Variants in DAPK1 observed in about 807,000 individuals in gnomAD.
The protein encoded by DAPK1 is death associated protein kinase 1, also known as death-associated protein kinase 1.
Under a neutral mutation model 144.9 loss-of-function variants are expected in DAPK1, and 56 were observed. The ratio of observed to expected loss-of-function variants is 0.39; its 90% confidence interval spans 0.31 to 0.48. The LOEUF (loss-of-function observed/expected upper bound fraction) is 0.48. DAPK1 is among the 20% of genes least tolerant of loss of function. The pLI is 0.95. For synonymous variants in DAPK1, 690 were observed against 749.0 expected (o/e 0.92, Z 1.29); for missense variants, 1,454 against 1,875.4 (o/e 0.78, Z 4.15).
chr9:87,699,812 A>G (rs1825397174), intron 23 of DAPK1, among the ~76,000 whole-genome samples: 1 of 152,172 alleles, frequency 6.6e-6, no homozygotes, highest in African/African-American at 2.4e-5. Context: ...AGGTGCGAGC[A>G]TTAGGCCTCA....
rs538465186 is a variant in DAPK1, at chr9:87,686,349, G to T, written c.2225-202G>T. Among the ~76,000 whole-genome samples, 1 of 152,256 alleles carries T rather than the reference G, an allele frequency of 6.6e-6. No homozygotes were observed. The highest frequency in any genetic ancestry group is 1.9e-4 in the East Asian group (1 of 5,170). On this transcript the variant is annotated intron_variant, in intron 20 of 25. Coordinates refer to ENST00000408954, the MANE Select transcript of DAPK1 (RefSeq NM_004938.4). The surrounding 1 kb of genome is among the most constrained non-coding windows in gnomAD (Gnocchi z 4.2). ...GCGGGGCAGAAAAGGTTGTGGGGAG[G>T]TAGAGCAAGCGGAAAAGCCCACAGC...
intron 3 of DAPK1, chr9:87,632,131 T>G (rs1221973256): frequency 2.8e-6 from 2 of 702,182 alleles, no homozygotes; most frequent in Non-Finnish European, 3.5e-6. Context: ...TGTATATATA[T>G]ATAAAATACC....
At chr9:87,638,396 T>G (rs1829977513) in intron 4 of DAPK1, among the ~76,000 whole-genome samples, 2 of 152,212 alleles carry the variant, frequency 1.3e-5, no homozygotes, top group Admixed American at 1.3e-4. Context: ...CTGGCACTGG[T>G]TCCTTCTGTG....
chr9:87,601,391 T>A (rs756345622), intron 2 of DAPK1, among the ~76,000 whole-genome samples: 53 of 152,148 alleles, frequency 3.5e-4, no homozygotes, highest in Non-Finnish European at 6.0e-4. Flanking sequence ...CCAGCCTGCC[T>A]GAGCAGTTAT....
chr9:87,624,191 T>G (rs1829409618), intron 3 of DAPK1, among the ~76,000 whole-genome samples: 1 of 152,188 alleles, frequency 6.6e-6, no homozygotes, highest in Non-Finnish European at 1.5e-5. Context: ...GGCTAGAGGA[T>G]TCCCTACTTA....
intron 2 of DAPK1, among the ~76,000 whole-genome samples, chr9:87,507,646 T>C (rs76430407): frequency 6.7e-6 from 1 of 150,336 alleles, no homozygotes; most frequent in Admixed American, 6.7e-5. Context: ...ATGTTGTTGA[T>C]TTTTTTTTTC....
chr9:87,655,693 T>C (rs1021763989), intron 17 of DAPK1, among the ~76,000 whole-genome samples: 1 of 152,188 alleles, frequency 6.6e-6, no homozygotes, highest in Non-Finnish European at 1.5e-5. Flanking sequence ...TCTTCCTCCT[T>C]CTCATATGGA....
In DAPK1 at chr9:87,707,562, A is replaced by T; in HGVS notation, c.*198A>T. The T allele has an allele frequency of 1.7e-6, 1 of 591,462 alleles. No homozygotes were observed. Among genetic ancestry groups the T allele is most frequent in the South Asian group, 2.1e-5 (1 of 48,288 alleles). 36.6% of individuals were successfully genotyped at this position (591,462 alleles called of 1,614,324 possible). A position where few individuals can be genotyped will look rare whatever the true frequency, so the allele number is the denominator to read the frequency against. On this transcript the variant is annotated 3_prime_UTR_variant, in exon 26 of 26. Coordinates refer to ENST00000408954, the MANE Select transcript of DAPK1 (RefSeq NM_004938.4). This position sits in a 1 kb window ranked among gnomAD's most constrained non-coding sequence, Gnocchi z 4.0. ...CTCATTCCGTTGTCTGTGGATGGTC[A>T]TTGCAGTTTAAGAGCAGAACAGATC...
At chr9:87,653,957 G>C (rs1393906901) in intron 17 of DAPK1, among the ~76,000 whole-genome samples, 6 of 152,142 alleles carry the variant, frequency 3.9e-5, no homozygotes, top group African/African-American at 1.4e-4. Context: ...GCCCCCCAAT[G>C]TGCTGGGTTT....
intron 3 of DAPK1, among the ~76,000 whole-genome samples, chr9:87,616,906 C>G (rs1054595202): frequency 6.6e-6 from 1 of 152,234 alleles, no homozygotes; most frequent in African/African-American, 2.4e-5. Context: ...CCTTTTGATT[C>G]AGTCTCTATG....
intron 17 of DAPK1, 123 bp from the exon 18 acceptor site, chr9:87,657,906 G>A: frequency 1.4e-6 from 1 of 700,714 alleles, no homozygotes; most frequent in Non-Finnish European, 2.6e-6. Context: ...TCAGGAGAAG[G>A]GAGATGGCTC....
chr9:87,686,610 A>G lies in DAPK1; in HGVS notation c.2284A>G (p.Ser762Gly). Residue 762 changes from serine to glycine, a missense_variant, in exon 21 of 26, where the codon AGC becomes GGC. Coordinates refer to ENST00000408954, the MANE Select transcript of DAPK1 (RefSeq NM_004938.4). The surrounding 1 kb of genome is among the most constrained non-coding windows in gnomAD (Gnocchi z 4.2). Reference protein sequence around the residue: ...GCENVSVRSRSMMFEPGLTKG... With the variant: ...GCENVSVRSRGMMFEPGLTKG... The stretch of plus-strand genomic sequence containing the variant: ...CGAGAACGTGAGTGTGAGGAGCCGC[A>G]GCATGATGTTCGAGCCGGGTCTTAC... 1 of 1,607,378 alleles carries G rather than the reference A, an allele frequency of 6.2e-7. No individual in the cohort carries two copies. Among genetic ancestry groups the G allele is most frequent in the Non-Finnish European group, 8.5e-7 (1 of 1,176,088 alleles).
rs552684031 is a variant in DAPK1, at chr9:87,563,894, A to G, written c.63-41060A>G. Among the ~76,000 whole-genome samples, 17 of 152,254 alleles carry G rather than the reference A, an allele frequency of 1.1e-4. 1 individual carries two copies. Among genetic ancestry groups the G allele is most frequent in the Admixed American group, 5.9e-4 (9 of 15,294 alleles). The stretch of plus-strand genomic sequence containing the variant: ...GGTTGGAGTGGTGTGTTCGTGCCCA[A>G]TGGTTGATCAGTGTCCACTCCCTGC... On this transcript the variant is annotated intron_variant, in intron 2 of 25. Transcript: ENST00000408954.
intron 19 of DAPK1, among the ~76,000 whole-genome samples, chr9:87,681,139 A>G (rs1338163233): frequency 6.6e-6 from 1 of 152,096 alleles, no homozygotes; most frequent in Non-Finnish European, 1.5e-5. Flanking sequence ...TTAGCTGGGC[A>G]TGGTGGCTCA....
chr9:87,673,486 G>A (rs1824251968), intron 19 of DAPK1, among the ~76,000 whole-genome samples: 1 of 152,188 alleles, frequency 6.6e-6, no homozygotes, highest in Non-Finnish European at 1.5e-5. Context: ...CTGTTTGCCC[G>A]CAGCAGTGGA....
intron 19 of DAPK1, among the ~76,000 whole-genome samples, chr9:87,673,037 T>G (rs1374660893): frequency 6.6e-6 from 1 of 152,200 alleles, no homozygotes; most frequent in Non-Finnish European, 1.5e-5. Context: ...TTCTCCTTGA[T>G]ATTCCCCAGT....
chr9:87,582,869 A>G (rs1827800434), intron 2 of DAPK1, among the ~76,000 whole-genome samples: 1 of 151,974 alleles, frequency 6.6e-6, no homozygotes, highest in Non-Finnish European at 1.5e-5. Context: ...CCCTAGTTCT[A>G]ATGGGGTCAC....
chr9:87,653,511 A>ATG lies in DAPK1; in HGVS notation c.1824+1801_1824+1802dup, dbSNP rs144275116. Among the ~76,000 whole-genome samples, 322 of 150,552 alleles carry ATG rather than the reference A, an allele frequency of 2.1e-3. 1 individual carries two copies. The highest frequency in any genetic ancestry group is 6.7e-3 in the African/African-American group (277 of 41,210). On this transcript the variant is annotated intron_variant, in intron 17 of 25. Coordinates refer to ENST00000408954, the MANE Select transcript of DAPK1 (RefSeq NM_004938.4). ...ATGGAAATCCCGTGTGTGTGTATGT[A>ATG]TGTGTGTGTGTGTGTACATGCATGT...
chr9:87,584,289 C>T (rs188509491), intron 2 of DAPK1, among the ~76,000 whole-genome samples: 36 of 152,274 alleles, frequency 2.4e-4, no homozygotes, highest in Admixed American at 2.4e-3. Flanking sequence ...GAACTCATTT[C>T]TCTTACCATT....
Sources: gnomAD v4.1 joint callset for allele counts (sites outside exome capture counted in the v4.1 genomes callset) on GRCh38, gnomAD v4.1.1 for gene constraint, Gnocchi (gnomAD v3.1) non-coding constraint, MANE v1.5 for transcripts, NCBI Gene and HGNC (gene_info 2026-07-23, HGNC 2026-07-21) for gene names.